The following FAM184B variants were observed in gnomAD, a reference collection of about 807,000 sequenced individuals.
FAM184B encodes protein FAM184B.
A neutral mutation model predicts 135.9 loss-of-function variants in FAM184B; 111 were observed. The observed-to-expected ratio is 0.82, with a 90% confidence interval of 0.70 to 0.96. The LOEUF is 0.96. FAM184B is among the 40% of genes least tolerant of loss of function. The pLI is 0.00. For synonymous variants in FAM184B, 552 were observed against 524.8 expected (o/e 1.05, Z -0.71); for missense variants, 1,375 against 1,323.9 (o/e 1.04, Z -0.60).
At chr4:17,764,580 CAT>C (rs980229024) in intron 1 of FAM184B, among the ~76,000 whole-genome samples, 2 of 152,184 alleles carry the variant, frequency 1.3e-5, no homozygotes, top group Non-Finnish European at 2.9e-5. Flanking sequence ...ATGTAAAAAA[CAT>C]AAGACAAAGT....
chr4:17,766,101 G>T (rs1458070368), intron 1 of FAM184B, among the ~76,000 whole-genome samples: 1 of 152,206 alleles, frequency 6.6e-6, no homozygotes, highest in African/African-American at 2.4e-5. Context: ...TTATTACAAA[G>T]AGCAAGATTG....
At chr4:17,640,070 G>C (rs979735013) in intron 13 of FAM184B, among the ~76,000 whole-genome samples, 1 of 149,326 alleles carries the variant, frequency 6.7e-6, no homozygotes, top group African/African-American at 2.4e-5. Context: ...GACCTCGGGT[G>C]ATCCATGCGC....
chr4:17,699,051 G>C (rs1228644296), intron 5 of FAM184B, among the ~76,000 whole-genome samples: 1 of 151,856 alleles, frequency 6.6e-6, no homozygotes, highest in Non-Finnish European at 1.5e-5. Context: ...TAATGAGGAG[G>C]GAGAAGGAAA....
chr4:17,708,826 C>G, intron 2 of FAM184B, 66 bp downstream of exon 2: 1 of 1,447,332 alleles, frequency 6.9e-7, no homozygotes, highest in Non-Finnish European at 9.1e-7. Flanking sequence ...TGATCTATAG[C>G]AGGTTCACAA....
chr4:17,637,364 C>G lies in FAM184B; in HGVS notation c.2667-719G>C, dbSNP rs375442656. Among the ~76,000 whole-genome samples the G allele has an allele frequency of 7.7e-4, 117 of 152,300 alleles. 4 individuals carry two copies. In the South Asian group the frequency reaches 0.022, roughly 28 times the overall value. ...TCAGCGTGAAGCCAGAGAAGAGTAA[C>G]TGGGTGGTGAGGAGAGGAGGGCTGG... On this transcript the variant is annotated intron_variant, in intron 14 of 17. Coordinates refer to ENST00000265018, the MANE Select transcript of FAM184B (RefSeq NM_015688.2).
intron 1 of FAM184B, among the ~76,000 whole-genome samples, chr4:17,765,081 G>A (rs1407378214): frequency 6.6e-6 from 1 of 152,102 alleles, no homozygotes; most frequent in Admixed American, 6.6e-5. Context: ...AAAAAAGAAA[G>A]TAATTCTGCC....
chr4:17,701,705 G>A (rs1159823051), intron 5 of FAM184B, among the ~76,000 whole-genome samples: 2 of 152,214 alleles, frequency 1.3e-5, no homozygotes, highest in Admixed American at 6.5e-5. Flanking sequence ...CTTGGCACCT[G>A]CAGTATCCAG....
intron 1 of FAM184B, among the ~76,000 whole-genome samples, chr4:17,717,691 G>A (rs1292515635): frequency 2.6e-5 from 4 of 152,028 alleles, no homozygotes; most frequent in Admixed American, 2.6e-4. Context: ...GAGATTGAGT[G>A]TTGTAGGTTT....
intron 4 of FAM184B, 33 bp downstream of exon 4, chr4:17,705,719 C>A: frequency 6.4e-7 from 1 of 1,550,440 alleles, no homozygotes. Context: ...CTCTCTGTGC[C>A]TTCTCCATCC....
intron 12 of FAM184B, among the ~76,000 whole-genome samples, chr4:17,647,126 C>CA (rs1560166784): frequency 6.7e-6 from 1 of 148,598 alleles, no homozygotes; most frequent in Admixed American, 6.7e-5. Context: ...CACTTAAAAC[C>CA]TTTTTTTTTT....
chr4:17,765,244 T>A (rs1384659254), intron 1 of FAM184B, among the ~76,000 whole-genome samples: 1 of 152,158 alleles, frequency 6.6e-6, no homozygotes, highest in Non-Finnish European at 1.5e-5. Context: ...GTCTTTTTAA[T>A]CACTACATAT....
intron 7 of FAM184B, among the ~76,000 whole-genome samples, chr4:17,681,724 T>C (rs140602365): frequency 0.016 from 2,480 of 152,066 alleles, 79 homozygotes; most frequent in African/African-American, 0.057. Flanking sequence ...AGCTTTGGAG[T>C]GTCCCTGGAT....
rs760155759 is a variant in FAM184B at position 17,658,445 on chromosome 4, TCTC to T, written c.1939_1941del (p.Glu647del). ...TTCATGGCGTGGTTCTGCTGAGTGGTCTCCTGGAGCTCACGCTGCAGCTTCTCC... is the reference window on the plus strand; with the variant it reads ...TTCATGGCGTGGTTCTGCTGAGTGGTCTGGAGCTCACGCTGCAGCTTCTCC... On this transcript the variant is annotated inframe_deletion, in exon 10 of 18. Transcript: ENST00000265018. 72 of 1,551,438 alleles carry T rather than the reference TCTC, an allele frequency of 4.6e-5. No homozygotes were observed. The highest frequency in any genetic ancestry group is 6.1e-5 in the Non-Finnish European group (70 of 1,146,970).
intron 1 of FAM184B, among the ~76,000 whole-genome samples, chr4:17,761,820 T>TTTTTG (rs745701119): frequency 7.9e-5 from 12 of 152,146 alleles, no homozygotes; most frequent in Non-Finnish European, 1.2e-4. Context: ...CGCAGCTGAC[T>TTTTTG]TTTTGTTTTG....
At chr4:17,651,604 TTAGA>T (rs1044447545) in intron 11 of FAM184B, among the ~76,000 whole-genome samples, 11 of 148,484 alleles carry the variant, frequency 7.4e-5, no homozygotes, top group South Asian at 2.1e-4. Context: ...CAGGGAACAC[TTAGA>T]TAGACTTACT....
intron 1 of FAM184B, among the ~76,000 whole-genome samples, chr4:17,759,094 TC>T (rs1718485536): frequency 6.6e-6 from 1 of 152,188 alleles, no homozygotes; most frequent in Non-Finnish European, 1.5e-5. Context: ...AACTTGAACT[TC>T]CATTAAGTGT....
At chr4:17,715,109 A>G (rs990061825) in intron 1 of FAM184B, among the ~76,000 whole-genome samples, 2 of 152,132 alleles carry the variant, frequency 1.3e-5, no homozygotes, top group Non-Finnish European at 2.9e-5. Context: ...ACACATACAC[A>G]TTCATCTGCA....
chr4:17,769,003 A>T (rs913644399), intron 1 of FAM184B, among the ~76,000 whole-genome samples: 1 of 151,916 alleles, frequency 6.6e-6, no homozygotes, highest in African/African-American at 2.4e-5. Context: ...GGGTTTCTCC[A>T]TGTTGGTCAG....
intron 1 of FAM184B, among the ~76,000 whole-genome samples, chr4:17,739,434 C>G (rs996642461): frequency 1.3e-5 from 2 of 152,052 alleles, no homozygotes; most frequent in Admixed American, 6.6e-5. Flanking sequence ...TTCGAGGTTC[C>G]TGGGAGAGGC....
Sources: allele counts gnomAD v4.1 joint callset (sites outside exome capture counted in the v4.1 genomes callset), GRCh38; gene constraint gnomAD v4.1.1; transcripts MANE v1.5; gene names NCBI Gene and HGNC (gene_info 2026-07-23, HGNC 2026-07-21).